Variants in GNAI1 observed in about 807,000 individuals in gnomAD.
The protein encoded by GNAI1 is guanine nucleotide-binding protein G(i) subunit alpha-1.
Under a neutral mutation model 38.9 loss-of-function variants are expected in GNAI1, and 11 were observed. That is an observed-to-expected ratio of 0.28 (90% CI 0.18 to 0.47). The LOEUF is 0.47. Ranked by LOEUF, GNAI1 falls within the 20% of genes least tolerant of loss-of-function variation. The probability of loss-of-function intolerance (pLI) is 0.99; values close to 1 mark genes in which losing one functional copy is unlikely to be tolerated. For missense variants in GNAI1, 317 were observed against 436.9 expected (o/e 0.73, Z 2.45); for synonymous variants, 166 against 145.1 (o/e 1.14, Z -1.04).
At chr7:80,187,559 A>T (rs1418541640) in intron 1 of GNAI1, 1 of 152,332 alleles carries the variant, frequency 6.6e-6, no homozygotes, top group African/African-American at 2.4e-5. Flanking sequence ...GATGTGTGGC[A>T]TGAGCAGCAG....
chr7:80,201,582 A>G (rs968142982), intron 4 of GNAI1, among the ~76,000 whole-genome samples: 3 of 152,216 alleles, frequency 2.0e-5, no homozygotes, highest in Admixed American at 1.3e-4. Flanking sequence ...AAATTTAGCC[A>G]GCATGGTGGC....
chr7:80,141,340 G>A (rs1392722551), intron 1 of GNAI1, among the ~76,000 whole-genome samples: 2 of 152,192 alleles, frequency 1.3e-5, no homozygotes, highest in Non-Finnish European at 2.9e-5. Flanking sequence ...CTCAGGAATA[G>A]GTGAGATTCT....
intron 1 of GNAI1, among the ~76,000 whole-genome samples, chr7:80,163,819 T>C (rs1374753789): frequency 6.6e-6 from 1 of 152,170 alleles, no homozygotes; most frequent in African/African-American, 2.4e-5. Flanking sequence ...AAGAATATCA[T>C]GCGGCATATT....
chr7:80,202,943 C>A (rs1788714705), intron 4 of GNAI1, among the ~76,000 whole-genome samples: 1 of 152,098 alleles, frequency 6.6e-6, no homozygotes, highest in Non-Finnish European at 1.5e-5. Context: ...CTGTTTAGAC[C>A]CCTCGCTATC....
chr7:80,219,820 CATCT>C lies in GNAI1; in HGVS notation c.*2329_*2332del, dbSNP rs565570070. Among the ~76,000 whole-genome samples, 52 of 152,268 alleles carry C rather than the reference CATCT, an allele frequency of 3.4e-4. No individual in the cohort carries two copies. Among genetic ancestry groups the C allele is most frequent in the African/African-American group, 1.2e-3 (49 of 41,576 alleles). The stretch of plus-strand genomic sequence containing the variant: ...TGGTTTGCTGCACCTATCAACCTGT[CATCT>C]AAGTTTTAAGCCCTGCATGCATTAG... On this transcript the variant is annotated 3_prime_UTR_variant, in exon 8 of 8. Transcript: ENST00000649796.
chr7:80,143,665 G>A (rs756949665), intron 1 of GNAI1, among the ~76,000 whole-genome samples: 18 of 152,072 alleles, frequency 1.2e-4, no homozygotes, highest in Non-Finnish European at 1.6e-4. Flanking sequence ...AATTTTATAA[G>A]CTTCAGTTTT....
intron 1 of GNAI1, among the ~76,000 whole-genome samples, chr7:80,165,433 A>T (rs1241144348): frequency 3.9e-5 from 6 of 152,118 alleles, no homozygotes; most frequent in Non-Finnish European, 7.4e-5. Flanking sequence ...TGGAAGGGTG[A>T]CCCTGCAGTT....
chr7:80,150,285 G>C (rs534820042), intron 1 of GNAI1, among the ~76,000 whole-genome samples: 1 of 152,242 alleles, frequency 6.6e-6, no homozygotes, highest in South Asian at 2.1e-4. Flanking sequence ...TAATCATCAA[G>C]AGTGAATAAA....
intron 1 of GNAI1, among the ~76,000 whole-genome samples, chr7:80,185,745 C>T (rs1788375595): frequency 6.6e-6 from 1 of 152,118 alleles, no homozygotes. Context: ...AGTGACTGTG[C>T]TGCCTGAGAT....
At chr7:80,144,376 A>G (rs938858881) in intron 1 of GNAI1, among the ~76,000 whole-genome samples, 1 of 152,184 alleles carries the variant, frequency 6.6e-6, no homozygotes, top group African/African-American at 2.4e-5. Flanking sequence ...TGTTGACTCA[A>G]AGAGATTCCT....
intron 1 of GNAI1, among the ~76,000 whole-genome samples, chr7:80,180,079 G>GA (rs1788263178): frequency 6.6e-6 from 1 of 152,124 alleles, no homozygotes; most frequent in South Asian, 2.1e-4. Flanking sequence ...AGGAAATGTT[G>GA]AAAAAGTTTG....
intron 1 of GNAI1, among the ~76,000 whole-genome samples, chr7:80,152,208 C>T (rs546419812): frequency 8.5e-5 from 13 of 152,292 alleles, no homozygotes; most frequent in African/African-American, 2.9e-4. Context: ...TATACTGCCT[C>T]TCAGTCCTCT....
chr7:80,186,600 C>G (rs773909799), intron 1 of GNAI1, among the ~76,000 whole-genome samples: 1 of 152,134 alleles, frequency 6.6e-6, no homozygotes, highest in African/African-American at 2.4e-5. Context: ...GATCTCAAAA[C>G]TCACGAGCTT....
intron 1 of GNAI1, among the ~76,000 whole-genome samples, chr7:80,162,574 T>C (rs1027526981): frequency 6.6e-6 from 1 of 152,238 alleles, no homozygotes; most frequent in African/African-American, 2.4e-5. Flanking sequence ...CTGAATTCTT[T>C]TCAGCTTTAT....
chr7:80,194,223 A>T (rs959686560), intron 3 of GNAI1, among the ~76,000 whole-genome samples: 3 of 151,920 alleles, frequency 2.0e-5, no homozygotes, highest in Admixed American at 2.0e-4. Context: ...TTTAATTTGA[A>T]TTTTCCATTT....
chr7:80,214,815 A>G (rs1010046336), intron 7 of GNAI1, among the ~76,000 whole-genome samples: 1 of 152,104 alleles, frequency 6.6e-6, no homozygotes, highest in African/African-American at 2.4e-5. Flanking sequence ...CCACTTCACC[A>G]GTTTCATCTG....
chr7:80,155,054 T>A (rs1320057987), intron 1 of GNAI1, among the ~76,000 whole-genome samples: 2 of 152,184 alleles, frequency 1.3e-5, no homozygotes, highest in Non-Finnish European at 2.9e-5. Flanking sequence ...TATAGCCTGA[T>A]TTTGAATTCA....
At position 80,218,342 on chromosome 7, in the gene GNAI1, T is replaced by C. The variant is rs1027812715; in HGVS notation, c.*849T>C. On this transcript the variant is annotated 3_prime_UTR_variant, in exon 8 of 8. Transcript: ENST00000649796. ...TTAATATTTGGCTGATATGAATGCA[T>C]TGCCTCAAAGGTGATGTCATCTTAA... The C allele has an allele frequency of 2.0e-5, 3 of 152,134 alleles. No individual in the cohort carries two copies. The highest frequency in any genetic ancestry group is 7.2e-5 in the African/African-American group (3 of 41,444). 9.4% of individuals were successfully genotyped at this position (152,134 alleles called of 1,614,324 possible). A position where few individuals can be genotyped will look rare whatever the true frequency, so the allele number is the denominator to read the frequency against.
Position 80,220,822 on chromosome 7 carries a change from A to G in GNAI1, c.*3329A>G, listed in dbSNP as rs1195343155. 6.6e-6 allele frequency among the ~76,000 whole-genome samples: 1 copy of G among 152,194 alleles called. No individual in the cohort carries two copies. The highest frequency in any genetic ancestry group is 2.4e-5 in the African/African-American group (1 of 41,436). ...ACTCCATGTCTGTCAGAGGACCCCA[A>G]AGATGCTACCTTATTTCCAGAAAAT... is the stretch of plus-strand genomic sequence containing the variant. On this transcript the variant is annotated 3_prime_UTR_variant, in exon 8 of 8. Transcript: ENST00000649796.
Sources: gnomAD v4.1 joint callset for allele counts (sites outside exome capture counted in the v4.1 genomes callset) on GRCh38, gnomAD v4.1.1 for gene constraint, MANE v1.5 for transcripts, NCBI Gene and HGNC (gene_info 2026-07-23, HGNC 2026-07-21) for gene names.